DPEP2: variants seen among roughly 807,000 people sequenced by gnomAD.
DPEP2 encodes the protein dipeptidase 2.
Under a neutral mutation model 51.8 loss-of-function variants are expected in DPEP2, and 45 were observed. That is an observed-to-expected ratio of 0.87 (90% CI 0.68 to 1.11). The LOEUF is 1.11. Ranked by LOEUF, DPEP2 falls within the 50% of genes most tolerant of loss-of-function variation. The pLI is 0.00. For missense variants in DPEP2, 604 were observed against 631.9 expected, an observed-to-expected ratio of 0.96 and a Z score of 0.47; for synonymous variants, 255 against 262.7, an observed-to-expected ratio of 0.97 and a Z score of 0.28.
At chr16:67,990,552 C>T (rs575364339) in intron 7 of DPEP2, among the ~76,000 whole-genome samples, 16 of 152,120 alleles carry the variant, frequency 1.1e-4, no homozygotes, top group Non-Finnish European at 2.4e-4. Context: ...CAACCTCCGC[C>T]TCCCAGGTTC....
chr16:67,987,440 A>C lies in DPEP2; in HGVS notation c.*66T>G, dbSNP rs1212775211. 6 of 1,558,262 alleles carry C rather than the reference A, an allele frequency of 3.9e-6. No homozygotes were observed. The highest frequency in any genetic ancestry group is 5.2e-6 in the Non-Finnish European group (6 of 1,147,280). Reference sequence around the variant, plus strand: ...TTTCAGGAAATATTTGTGCCTGCACAACAGGGGAACTTTGTGGGGTGTCTG... The same window carrying C: ...TTTCAGGAAATATTTGTGCCTGCACCACAGGGGAACTTTGTGGGGTGTCTG... On this transcript the variant is annotated 3_prime_UTR_variant, in exon 11 of 11. Transcript: ENST00000393847.
Position 67,999,441 on chromosome 16 carries a change from C to A in DPEP2, c.-112G>T. The A allele has an allele frequency of 1.0e-6, 1 of 989,074 alleles. No individual in the cohort carries two copies. The highest frequency in any genetic ancestry group is 4.6e-5 in the South Asian group (1 of 21,622). 61.3% of individuals were successfully genotyped at this position (989,074 alleles called of 1,614,324 possible). A position where few individuals can be genotyped will look rare whatever the true frequency, so the allele number is the denominator to read the frequency against. On this transcript the variant is annotated 5_prime_UTR_variant, in exon 1 of 11. Transcript: ENST00000393847. ...TTCTAGAACTCAGTGAGACCAAGAA[C>A]CCACCAATTCCGGACACACTAAGAC...
chr16:67,990,244 C>T, intron 7 of DPEP2, 113 bp from the exon 8 acceptor site: 1 of 933,616 alleles, frequency 1.1e-6, no homozygotes. Context: ...CAGGAGTCAG[C>T]AGAAACTTCA....
In DPEP2 at chr16:67,991,889, T is replaced by G; in HGVS notation, c.611A>C (p.Tyr204Ser). 1 of 1,614,126 alleles carries G rather than the reference T, an allele frequency of 6.2e-7. No homozygotes were observed. Residue 204 changes from tyrosine to serine, a missense_variant, in exon 5 of 11, where the codon TAC becomes TCC. Transcript: ENST00000393847. The surrounding 1 kb of genome is among the most constrained non-coding windows in gnomAD (Gnocchi z 5.1). The stretch of plus-strand genomic sequence containing the variant: ...CGTCAGGTAGCGCACTCCCAGCATG[T>G]AGAAGGTACGTAAGATGGAGAGGCT... The part of the protein sequence containing the change: ...DNSLSILRTF[Y>S]MLGVRYLTLT...
chr16:67,989,839 T>C (rs557272723), intron 8 of DPEP2, among the ~76,000 whole-genome samples: 1 of 152,338 alleles, frequency 6.6e-6, no homozygotes, highest in South Asian at 2.1e-4. Flanking sequence ...CGCAGATAGT[T>C]AGCACTCAGG....
At chr16:67,988,614 AAAG>A (rs1222642874) in intron 9 of DPEP2, among the ~76,000 whole-genome samples, 1 of 151,326 alleles carries the variant, frequency 6.6e-6, no homozygotes, top group African/African-American at 2.4e-5. Context: ...AAAAAAAAAA[AAAG>A]AAAAGAAAAA....
intron 8 of DPEP2, 57 bp from the exon 9 acceptor site, chr16:67,989,455 A>C (rs971984253): frequency 1.3e-4 from 200 of 1,578,408 alleles, no homozygotes; most frequent in Non-Finnish European, 1.7e-4. Flanking sequence ...CAGGGGTGCC[A>C]CTGGGGCTGG....
chr16:67,988,422 G>GGAAAGAAA (rs528175365), intron 9 of DPEP2, among the ~76,000 whole-genome samples: 1 of 146,182 alleles, frequency 6.8e-6, no homozygotes, highest in East Asian at 1.9e-4. Flanking sequence ...AGGAAAGAAA[G>GGAAAGAAA]GAAAGAAAGA....
At chr16:67,997,967 C>G (rs2032797038) in intron 1 of DPEP2, among the ~76,000 whole-genome samples, 1 of 152,222 alleles carries the variant, frequency 6.6e-6, no homozygotes, top group Non-Finnish European at 1.5e-5. Flanking sequence ...CTAACTTAGA[C>G]TGTAGCCTCT....
Position 67,991,690 on chromosome 16 carries a change from G to A in DPEP2, c.662+148C>T, listed in dbSNP as rs1326365386. The A allele has an allele frequency of 5.7e-6, 7 of 1,238,408 alleles. No individual in the cohort carries two copies. The highest frequency in any genetic ancestry group is 6.6e-6 in the Non-Finnish European group (6 of 913,844). 76.7% of individuals were successfully genotyped at this position (1,238,408 alleles called of 1,614,324 possible). A position where few individuals can be genotyped will look rare whatever the true frequency, so the allele number is the denominator to read the frequency against. On this transcript the variant is annotated intron_variant, in intron 5 of 10. Transcript: ENST00000393847. This position sits in a 1 kb window ranked among gnomAD's most constrained non-coding sequence, Gnocchi z 5.1. ...ACCGCGTCTGGCCAGGGGTCAAGTC[G>A]TATTCTGAAAACCAGAATCCCAGCT...
rs1419144231 is a variant in DPEP2 at position 67,991,990 on chromosome 16, G to A, written c.521-11C>T. ...GAGTGTCGTTCAGAGCTGGGGGCAG[G>A]TAGGTCAGGTGATTACTTTCCAGGG... On this transcript the variant is annotated splice_polypyrimidine_tract_variant and intron_variant, in intron 4 of 10. Coordinates refer to ENST00000393847, the MANE Select transcript of DPEP2 (RefSeq NM_022355.4). This position sits in a 1 kb window ranked among gnomAD's most constrained non-coding sequence, Gnocchi z 5.1. 34 of 1,614,048 alleles carry A rather than the reference G, an allele frequency of 2.1e-5. No homozygotes were observed. The highest frequency in any genetic ancestry group is 2.7e-5 in the Non-Finnish European group (32 of 1,180,012).
At position 67,993,058 on chromosome 16, in the gene DPEP2, T is replaced by TGGGCTCTGGGGGCGCCCAGCGTGGTGA. The variant is rs780931902; in HGVS notation, c.128_154dup (p.Leu43_Ala51dup). ...GGGAGCGTAGGTGCCCGGCATGGTG[T>TGGGCTCTGGGGGCGCCCAGCGTGGTGA]GGGCTCTGGGGGCGCCCAGCGTGGT... is the stretch of plus-strand genomic sequence containing the variant. On this transcript the variant is annotated inframe_insertion, in exon 2 of 11. Transcript: ENST00000393847. The TGGGCTCTGGGGGCGCCCAGCGTGGTGA allele has an allele frequency of 1.9e-6, 3 of 1,578,510 alleles. No homozygotes were observed. The highest frequency in any genetic ancestry group is 4.7e-5 in the East Asian group (2 of 42,972).
In DPEP2 at chr16:67,987,780, C is replaced by T. The variant is rs749525431; in HGVS notation, c.1207-20G>A. ...CTGTACCTAGAGGTGGCAGTCGGTG[C>T]TCAGCTTCCACAGCTCTCCTTGATA... On this transcript the variant is annotated intron_variant, in intron 10 of 10. Transcript: ENST00000393847. 3 of 1,612,558 alleles carry T rather than the reference C, an allele frequency of 1.9e-6. No homozygotes were observed. Among genetic ancestry groups the T allele is most frequent in the African/African-American group, 1.3e-5 (1 of 74,910 alleles).
At chr16:67,988,601 T>C (rs2031722593) in intron 9 of DPEP2, among the ~76,000 whole-genome samples, 1 of 116,226 alleles carries the variant, frequency 8.6e-6, no homozygotes, top group Admixed American at 9.2e-5. Context: ...AGCCTCTGTC[T>C]CAAAAAAAAA....
intron 7 of DPEP2, 152 bp downstream of exon 7, chr16:67,990,669 G>T: frequency 1.2e-6 from 1 of 811,888 alleles, no homozygotes; most frequent in Non-Finnish European, 2.0e-6. Context: ...TCCCCATGTT[G>T]GCCAGGCTGG....
Position 67,987,504 on chromosome 16 carries a change from C to A in DPEP2, c.*2G>T. 1.2e-6 allele frequency: 2 copies of A among 1,605,482 alleles called. No homozygotes were observed. Among genetic ancestry groups the A allele is most frequent in the South Asian group, 2.2e-5 (2 of 90,816 alleles). ...TGACATCTGGCAGGACTAACTGGGT[C>A]ATCAGAGCCACAGAATAAGGACTGG... On this transcript the variant is annotated 3_prime_UTR_variant, in exon 11 of 11. Coordinates refer to ENST00000393847, the MANE Select transcript of DPEP2 (RefSeq NM_022355.4).
At position 67,991,293 on chromosome 16, in the gene DPEP2, A is replaced by G; in HGVS notation, c.663-109T>C. 1 of 1,115,422 alleles carries G rather than the reference A, an allele frequency of 9.0e-7. No individual in the cohort carries two copies. Among genetic ancestry groups the G allele is most frequent in the Non-Finnish European group, 1.3e-6 (1 of 768,942 alleles). 69.1% of individuals were successfully genotyped at this position (1,115,422 alleles called of 1,614,324 possible). On this transcript the variant is annotated intron_variant, in intron 5 of 10. Coordinates refer to ENST00000393847, the MANE Select transcript of DPEP2 (RefSeq NM_022355.4). The surrounding 1 kb of genome is among the most constrained non-coding windows in gnomAD (Gnocchi z 5.1). Reference sequence around the variant, plus strand: ...GCACCCCCCTGAAACAAAAACAGGGATCCAAAATGGGCCCTGCAAATGGGC... The same window carrying G: ...GCACCCCCCTGAAACAAAAACAGGGGTCCAAAATGGGCCCTGCAAATGGGC...
rs965145471 is a variant in DPEP2, at chr16:67,998,603, G to A, written c.-46+772C>T. 2.0e-5 allele frequency among the ~76,000 whole-genome samples: 3 copies of A among 152,256 alleles called. No homozygotes were observed. In the East Asian group the frequency reaches 5.8e-4, roughly 29 times the overall value. On this transcript the variant is annotated intron_variant, in intron 1 of 10. Coordinates refer to ENST00000393847, the MANE Select transcript of DPEP2 (RefSeq NM_022355.4). Reference sequence around the variant, plus strand: ...CACCACAGGGCTGAGGAGTGCGGGCGCATGGCGCAGGACTGGCAGGCAGCT... The same window carrying A: ...CACCACAGGGCTGAGGAGTGCGGGCACATGGCGCAGGACTGGCAGGCAGCT...
chr16:67,990,244 C>A, intron 7 of DPEP2, 113 bp from the exon 8 acceptor site: 1 of 933,618 alleles, frequency 1.1e-6, no homozygotes. Context: ...CAGGAGTCAG[C>A]AGAAACTTCA....
Sources: allele counts gnomAD v4.1 joint callset (sites outside exome capture counted in the v4.1 genomes callset), GRCh38; gene constraint gnomAD v4.1.1; non-coding constraint Gnocchi (gnomAD v3.1); transcripts MANE v1.5; gene names NCBI Gene and HGNC (gene_info 2026-07-23, HGNC 2026-07-21).